KATNBL1: variants seen among roughly 807,000 people sequenced by gnomAD.
The protein encoded by KATNBL1 is KATNB1-like protein 1.
In KATNBL1, 28 loss-of-function variants were observed where a neutral mutation model predicts 44.7. The ratio of observed to expected loss-of-function variants is 0.63; its 90% confidence interval spans 0.46 to 0.86. The LOEUF is 0.86. KATNBL1 is among the 40% of genes least tolerant of loss of function. The probability of loss-of-function intolerance (pLI) is 0.00; values close to 1 mark genes in which losing one functional copy is unlikely to be tolerated. For missense variants in KATNBL1, 272 were observed against 350.7 expected (o/e 0.78, Z 1.79); for synonymous variants, 78 against 114.9 (o/e 0.68, Z 2.06).
At chr15:34,143,813 A>G (rs1888224989) in intron 9 of KATNBL1, among the ~76,000 whole-genome samples, 1 of 149,056 alleles carries the variant, frequency 6.7e-6, no homozygotes, top group African/African-American at 2.5e-5. Flanking sequence ...AAAAAAAAAA[A>G]AAAAATTGCC....
intron 1 of KATNBL1, among the ~76,000 whole-genome samples, chr15:34,188,062 C>T (rs2140979910): frequency 7.4e-6 from 1 of 135,962 alleles, no homozygotes; most frequent in East Asian, 2.3e-4. Flanking sequence ...TCGCTTGAAC[C>T]TGGGAAGTGG....
intron 4 of KATNBL1, among the ~76,000 whole-genome samples, chr15:34,151,711 A>G (rs1000944711): frequency 6.6e-6 from 1 of 151,800 alleles, no homozygotes; most frequent in African/African-American, 2.4e-5. Context: ...AAAGTGTGCC[A>G]CCATGCCTAG....
At chr15:34,166,108 A>T (rs916393562) in intron 1 of KATNBL1, 21 of 152,278 alleles carry the variant, frequency 1.4e-4, no homozygotes, top group African/African-American at 4.3e-4. Flanking sequence ...CAGCCTACAG[A>T]GGGCGAGCTG....
At chr15:34,153,586 T>C (rs532503042) in intron 3 of KATNBL1, among the ~76,000 whole-genome samples, 1 of 152,318 alleles carries the variant, frequency 6.6e-6, no homozygotes, top group South Asian at 2.1e-4. Context: ...TTTTTTTTTT[T>C]TTTGAGATGC....
intron 8 of KATNBL1, 192 bp from the exon 9 acceptor site, chr15:34,145,683 T>A: frequency 2.8e-6 from 1 of 358,526 alleles, no homozygotes; most frequent in Non-Finnish European, 4.4e-6. Context: ...TTTAGAATAA[T>A]ACATGTCAGT....
In KATNBL1 at chr15:34,163,632, A is replaced by G. The variant is rs1249148150; in HGVS notation, c.45T>C (p.Asn15=). 1.9e-6 allele frequency: 3 copies of G among 1,598,812 alleles called. No individual in the cohort carries two copies. The highest frequency in any genetic ancestry group is 3.5e-5 in the Admixed American group (2 of 56,362). ...GATCAATGAAATGATCCTCAATCTT[A>G]TTACAAAAGTTCCGTTTTTTAACAT... ...THNVKKRNFC[N]KIEDHFIDLP... Residue 15 remains asparagine, a synonymous_variant, in exon 2 of 10, where the codon AAT becomes AAC. Transcript: ENST00000256544.
At chr15:34,191,153 C>CAATATATATA (rs1308654965) in intron 1 of KATNBL1, among the ~76,000 whole-genome samples, 1 of 49,274 alleles carries the variant, frequency 2.0e-5, no homozygotes, top group African/African-American at 7.4e-5. Context: ...AAATCATAGA[C>CAATATATATA]CATATATATA....
intron 1 of KATNBL1, among the ~76,000 whole-genome samples, chr15:34,166,954 A>T (rs544242319): frequency 6.6e-6 from 1 of 152,368 alleles, no homozygotes; most frequent in East Asian, 1.9e-4. Context: ...ACCAACATCA[A>T]ACACCAAAGG....
At chr15:34,142,863 C>T (rs1353471657) in intron 9 of KATNBL1, 1 of 333,374 alleles carries the variant, frequency 3.0e-6, no homozygotes, top group Non-Finnish European at 5.8e-6. Context: ...AGGTGTGCAC[C>T]ACCACGCCCG....
rs376212292 is a variant in KATNBL1, at chr15:34,177,407, G to A, written c.-14-13717C>T. Among the ~76,000 whole-genome samples the A allele has an allele frequency of 7.9e-5, 12 of 152,162 alleles. No homozygotes were observed. The East Asian group carries it at 9.6e-4, about 12-fold the overall frequency. On this transcript the variant is annotated intron_variant, in intron 1 of 9. Transcript: ENST00000256544. ...CACATGTAATCCCAGCACTTTGGGCGGCCGAGGTGGGTGGATCATTTGAGG... is the reference window on the plus strand; with the variant it reads ...CACATGTAATCCCAGCACTTTGGGCAGCCGAGGTGGGTGGATCATTTGAGG...
chr15:34,190,094 G>A (rs1240956094), intron 1 of KATNBL1, among the ~76,000 whole-genome samples: 2 of 151,964 alleles, frequency 1.3e-5, no homozygotes, highest in Admixed American at 6.6e-5. Context: ...ACAGGCGCCC[G>A]CCACCACACC....
chr15:34,199,501 A>C (rs1890113639), intron 1 of KATNBL1: 1 of 152,202 alleles, frequency 6.6e-6, no homozygotes, highest in Non-Finnish European at 1.5e-5. Context: ...TATTCAAATC[A>C]TAAAACTAAA....
At chr15:34,181,813 TACATGTCC>T (rs1889564882) in intron 1 of KATNBL1, among the ~76,000 whole-genome samples, 1 of 74,966 alleles carries the variant, frequency 1.3e-5, no homozygotes, top group African/African-American at 7.3e-5. Context: ...TATACATATA[TACATGTCC>T]ATATATATCC....
intron 1 of KATNBL1, among the ~76,000 whole-genome samples, chr15:34,197,949 T>C (rs921009684): frequency 6.6e-6 from 1 of 152,148 alleles, no homozygotes; most frequent in Non-Finnish European, 1.5e-5. Flanking sequence ...GGTTTCACCA[T>C]GTTAGCCAGG....
chr15:34,181,858 T>TATATATATCC lies in KATNBL1; in HGVS notation c.-14-18169_-14-18168insGGATATATAT, dbSNP rs769313244. The stretch of plus-strand genomic sequence containing the variant: ...TATATATACACATATATATAGTCCA[T>TATATATATCC]ATATATATATCCATATATATATATA... On this transcript the variant is annotated intron_variant, in intron 1 of 9. Transcript: ENST00000256544. 2.8e-3 allele frequency among the ~76,000 whole-genome samples: 57 copies of TATATATATCC among 20,230 alleles called. 2 individuals are homozygous for TATATATATCC. The highest frequency in any genetic ancestry group is 6.8e-3 in the African/African-American group (48 of 7,086). The allele number at this position is 20,230 out of a possible 152,430, so 13.3% of individuals were successfully genotyped here.
At chr15:34,148,420 C>T (rs971032163) in intron 5 of KATNBL1, 1 of 363,412 alleles carries the variant, frequency 2.8e-6, no homozygotes, top group African/African-American at 2.1e-5. Context: ...TCATGTCTTC[C>T]AAAAAATTTT....
At chr15:34,181,932 C>T (rs865833031) in intron 1 of KATNBL1, among the ~76,000 whole-genome samples, 11 of 146,214 alleles carry the variant, frequency 7.5e-5, no homozygotes, top group Middle Eastern at 3.7e-3. Context: ...GATTCCACTA[C>T]GATAGTGTTA....
chr15:34,194,090 C>T (rs979976038), intron 1 of KATNBL1, among the ~76,000 whole-genome samples: 9 of 151,984 alleles, frequency 5.9e-5, no homozygotes, highest in African/African-American at 1.2e-4. Flanking sequence ...TACAGGTGCA[C>T]GCCACCATGC....
chr15:34,183,056 G>C (rs1889613194), intron 1 of KATNBL1, among the ~76,000 whole-genome samples: 1 of 152,280 alleles, frequency 6.6e-6, no homozygotes, highest in South Asian at 2.1e-4. Context: ...TGAGAAATAT[G>C]GCGCCCCTTG....
Sources: allele counts gnomAD v4.1 joint callset (sites outside exome capture counted in the v4.1 genomes callset), GRCh38; gene constraint gnomAD v4.1.1; transcripts MANE v1.5; gene names NCBI Gene and HGNC (gene_info 2026-07-23, HGNC 2026-07-21).